The following SMG1 variants were observed in gnomAD, a reference collection of about 807,000 sequenced individuals.
The protein encoded by SMG1 is serine/threonine-protein kinase SMG1.
SMG1 carries 22 observed loss-of-function variants against 419.9 expected under a neutral mutation model. That is an observed-to-expected ratio of 0.05 (90% confidence interval 0.04 to 0.07). The LOEUF (loss-of-function observed/expected upper bound fraction) is 0.07. SMG1 is among the 10% of genes least tolerant of loss of function. The pLI is 1.00. For missense variants in SMG1, 3,185 were observed against 4,342.0 expected, an observed-to-expected ratio of 0.73 and a Z score of 7.49; for synonymous variants, 1,538 against 1,553.5, an observed-to-expected ratio of 0.99 and a Z score of 0.23.
rs551222862 is a variant in SMG1 at position 18,854,259 on chromosome 16, T to C, written c.4484-392A>G. Among the ~76,000 whole-genome samples, 13 of 151,768 alleles carry C rather than the reference T, an allele frequency of 8.6e-5. No individual in the cohort carries two copies. In the South Asian group the frequency reaches 1.9e-3, roughly 22 times the overall value. ...GTTCCACCACACCCCCCTAATTTCT[T>C]TGAATTTCAGTATAGCTGAGATTTC... On this transcript the variant is annotated intron_variant, in intron 30 of 62. Transcript: ENST00000446231.
chr16:18,907,632 G>T (rs1318416256), intron 1 of SMG1, among the ~76,000 whole-genome samples: 3 of 151,896 alleles, frequency 2.0e-5, no homozygotes, highest in Non-Finnish European at 4.4e-5. Flanking sequence ...GGCGGATCAT[G>T]AGGTCAGGAG....
At chr16:18,863,488 C>T (rs1442317840) in intron 25 of SMG1, among the ~76,000 whole-genome samples, 162 bp downstream of exon 25, 1 of 152,226 alleles carries the variant, frequency 6.6e-6, no homozygotes, top group Admixed American at 6.5e-5. Context: ...CCTTCCCTCA[C>T]CTCTGACGTC....
intron 1 of SMG1, among the ~76,000 whole-genome samples, chr16:18,923,059 G>A (rs933014114): frequency 3.3e-5 from 5 of 152,154 alleles, no homozygotes; most frequent in African/African-American, 1.2e-4. Flanking sequence ...CAGCCTGGGT[G>A]ACACAGCAAG....
intron 23 of SMG1, among the ~76,000 whole-genome samples, chr16:18,864,753 A>C (rs1280327843): frequency 6.6e-6 from 1 of 151,950 alleles, no homozygotes; most frequent in Non-Finnish European, 1.5e-5. Flanking sequence ...CTGGGATTTC[A>C]GGCGTGAACC....
intron 1 of SMG1, among the ~76,000 whole-genome samples, chr16:18,901,282 G>C (rs945165101): frequency 4.6e-5 from 7 of 152,120 alleles, no homozygotes; most frequent in Non-Finnish European, 1.0e-4. Flanking sequence ...GGAGTGCACT[G>C]GCATGACCAT....
intron 27 of SMG1, 110 bp downstream of exon 27, chr16:18,859,446 A>T (rs2035094034): frequency 3.1e-6 from 2 of 640,590 alleles, no homozygotes; most frequent in South Asian, 4.0e-5. Flanking sequence ...TGAAGCTATT[A>T]GCACTAGTAT....
At chr16:18,815,133 G>T in intron 60 of SMG1, 42 bp downstream of exon 60, 1 of 1,231,134 alleles carries the variant, frequency 8.1e-7, no homozygotes, top group Non-Finnish European at 1.2e-6. Flanking sequence ...GCATCTATGT[G>T]TAACATTAAC....
At chr16:18,855,441 C>A (rs1386565897) in intron 29 of SMG1, among the ~76,000 whole-genome samples, 1 of 152,198 alleles carries the variant, frequency 6.6e-6, no homozygotes, top group Non-Finnish European at 1.5e-5. Flanking sequence ...ATGCTGACAA[C>A]TGCTGAATCT....
At chr16:18,856,483 C>G (rs1353132895) in intron 29 of SMG1, 2 of 152,298 alleles carry the variant, frequency 1.3e-5, no homozygotes, top group African/African-American at 4.8e-5. Context: ...ACTACAGGCA[C>G]CCGCCCCCAC....
In SMG1 at chr16:18,849,942, G is replaced by T. The variant is rs764430692; in HGVS notation, c.5461+7C>A. On this transcript the variant is annotated splice_region_variant and intron_variant, in intron 35 of 62. Coordinates refer to ENST00000446231, the MANE Select transcript of SMG1 (RefSeq NM_015092.5). ...ATTTTTCCTGAAACATTTTATGCAG[G>T]TCTCACCTCTCCATGGTGCAGTGGG... is the stretch of plus-strand genomic sequence containing the variant. 1.7e-4 allele frequency: 269 copies of T among 1,611,976 alleles called. 2 individuals carry two copies. In the Admixed American group the frequency reaches 4.5e-3, roughly 27 times the overall value.
intron 1 of SMG1, among the ~76,000 whole-genome samples, chr16:18,920,447 T>C (rs2038153999): frequency 6.6e-6 from 1 of 151,340 alleles, no homozygotes; most frequent in Admixed American, 6.6e-5. Flanking sequence ...TTACTAAGTG[T>C]TTCATAAGGA....
rs919644141 is a variant in SMG1 at position 18,827,568 on chromosome 16, A to T, written c.9741+463T>A. Among the ~76,000 whole-genome samples the T allele has an allele frequency of 3.5e-5, 5 of 141,926 alleles. No homozygotes were observed. In the East Asian group the frequency reaches 1.0e-3, roughly 28 times the overall value. 93.1% of individuals were successfully genotyped at this position (141,926 alleles called of 152,430 possible). ...TATTTTTTTATATATCTTTGGTATA[A>T]ATATACCAAAATATATATTTTTAGA... On this transcript the variant is annotated intron_variant, in intron 55 of 62. Transcript: ENST00000446231.
chr16:18,917,585 AT>A (rs954446423), intron 1 of SMG1, among the ~76,000 whole-genome samples: 5 of 145,400 alleles, frequency 3.4e-5, no homozygotes, highest in Non-Finnish European at 7.6e-5. Flanking sequence ...CACACACTCC[AT>A]TTTTTTTTCA....
chr16:18,838,709 GGCA>G lies in SMG1; in HGVS notation c.6946-23_6946-21del. ...ATAAGACTAAAGGAAAGGAAATGGG[GGCA>G]GCAAGTGAAACACCATTAAGAAATT... On this transcript the variant is annotated intron_variant, in intron 42 of 62. Coordinates refer to ENST00000446231, the MANE Select transcript of SMG1 (RefSeq NM_015092.5). The G allele has an allele frequency of 6.6e-7, 1 of 1,514,548 alleles. No individual in the cohort carries two copies. The highest frequency in any genetic ancestry group is 1.2e-5 in the South Asian group (1 of 81,136). 93.8% of individuals were successfully genotyped at this position (1,514,548 alleles called of 1,614,324 possible).
chr16:18,900,185 T>C (rs896230367), intron 1 of SMG1: 4 of 526,018 alleles, frequency 7.6e-6, no homozygotes, highest in African/African-American at 7.6e-5. Context: ...AAAGCAAAAA[T>C]TGAGGTGGAA....
intron 38 of SMG1, 131 bp from the exon 39 acceptor site, chr16:18,845,782 CAT>C (rs1372240926): frequency 8.9e-5 from 51 of 573,518 alleles, no homozygotes; most frequent in Non-Finnish European, 1.2e-4. Context: ...AAAGCAATAA[CAT>C]ATTCACAAAG....
chr16:18,839,590 G>C, intron 42 of SMG1, 108 bp downstream of exon 42: 1 of 1,424,194 alleles, frequency 7.0e-7, no homozygotes, highest in Non-Finnish European at 9.7e-7. Context: ...AAACTACCAA[G>C]TCTGGAGGGA....
At chr16:18,854,060 T>C (rs1026497008) in intron 30 of SMG1, among the ~76,000 whole-genome samples, 193 bp from the exon 31 acceptor site, 27 of 150,316 alleles carry the variant, frequency 1.8e-4, no homozygotes, top group Admixed American at 1.3e-3. Context: ...CATGAGCCAC[T>C]ATGCCTAGCC....
Position 18,841,704 on chromosome 16 carries a change from G to A in SMG1, c.6557C>T (p.Pro2186Leu). 1 of 1,613,912 alleles carries A rather than the reference G, an allele frequency of 6.2e-7. No homozygotes were observed. Among genetic ancestry groups the A allele is most frequent in the Non-Finnish European group, 8.5e-7 (1 of 1,179,882 alleles). ...MFATINRQET[P>L]RFHARHYSVT... Reference sequence around the variant, plus strand: ...AGAATAGTGTCGAGCATGGAACCGGGGTGTTTCTTGGCGATTAATTGTAGC... The same window carrying A: ...AGAATAGTGTCGAGCATGGAACCGGAGTGTTTCTTGGCGATTAATTGTAGC... Residue 2186 changes from proline (P) to leucine (L), a missense_variant, in exon 41 of 63, where the codon CCC becomes CTC. By Grantham distance (98) the Pro-to-Leu change is moderately conservative (BLOSUM62 -3). Transcript: ENST00000446231.
Sources: allele counts gnomAD v4.1 joint callset (sites outside exome capture counted in the v4.1 genomes callset), GRCh38; gene constraint gnomAD v4.1.1; transcripts MANE v1.5; gene names NCBI Gene and HGNC (gene_info 2026-07-23, HGNC 2026-07-21).